NFIX: variants seen among roughly 807,000 people sequenced by gnomAD.
NFIX encodes the protein nuclear factor 1 X-type.
A neutral mutation model predicts 53.3 loss-of-function variants in NFIX; 2 were observed. The observed-to-expected ratio is 0.04, with a 90% CI of 0.02 to 0.12. NFIX has a LOEUF of 0.12. NFIX is among the 10% of genes least tolerant of loss of function. NFIX has a pLI of 1.00. For synonymous variants in NFIX, 244 were observed against 289.0 expected (o/e 0.84, Z 1.58); for missense variants, 310 against 674.5 (o/e 0.46, Z 5.99).
intron 2 of NFIX, among the ~76,000 whole-genome samples, chr19:13,039,129 A>G (rs2014423720): frequency 6.6e-6 from 1 of 152,070 alleles, no homozygotes; most frequent in Non-Finnish European, 1.5e-5. Context: ...GATTTCTCTC[A>G]CTTATTTATG....
At position 13,006,610 on chromosome 19, in the gene NFIX, G is replaced by A. The variant is rs1188846385; in HGVS notation, c.27+10746G>A. 6.6e-6 allele frequency among the ~76,000 whole-genome samples: 1 copy of A among 152,202 alleles called. No individual in the cohort carries two copies. Among genetic ancestry groups the A allele is most frequent in the African/African-American group, 2.4e-5 (1 of 41,452 alleles). ...CCTCAATTTAGCTCCCCCGGGGCGGGCTGGGTTTATTTTTACCCCAGCCTG... is the reference window on the plus strand; with the variant it reads ...CCTCAATTTAGCTCCCCCGGGGCGGACTGGGTTTATTTTTACCCCAGCCTG... On this transcript the variant is annotated intron_variant, in intron 1 of 10. Transcript: ENST00000592199. This position sits in a 1 kb window ranked among gnomAD's most constrained non-coding sequence, Gnocchi z 5.6.
rs755985332 is a variant in NFIX at position 13,078,762 on chromosome 19, G to A, written c.1078+27G>A. ...TGAGAAATGGGGGGCCCCGGAGGGGGGCAGTTGGGGAGGTGGCTGAGTATC... is the reference window on the plus strand; with the variant it reads ...TGAGAAATGGGGGGCCCCGGAGGGGAGCAGTTGGGGAGGTGGCTGAGTATC... On this transcript the variant is annotated intron_variant, in intron 7 of 10. Transcript: ENST00000592199. This position sits in a 1 kb window ranked among gnomAD's most constrained non-coding sequence, Gnocchi z 4.7. 7 of 1,579,048 alleles carry A rather than the reference G, an allele frequency of 4.4e-6. No individual in the cohort carries two copies. In the South Asian group the frequency reaches 5.7e-5, roughly 13 times the overall value.
rs780128002 is a variant in NFIX at position 13,001,700 on chromosome 19, T to C, written c.27+5836T>C. ...TCCAGTGTCATCACCCTCATATCAC[T>C]GTGCCTCCTGAGCTTGTCCCCGTGA... On this transcript the variant is annotated intron_variant, in intron 1 of 10. Coordinates refer to ENST00000592199, the MANE Select transcript of NFIX (RefSeq NM_001365902.3). The surrounding 1 kb of genome is among the most constrained non-coding windows in gnomAD (Gnocchi z 6.5). 1.1e-4 allele frequency among the ~76,000 whole-genome samples: 16 copies of C among 152,174 alleles called. No homozygotes were observed. Among genetic ancestry groups the C allele is most frequent in the Admixed American group, 7.2e-4 (11 of 15,288 alleles).
In NFIX at chr19:13,025,833, G is replaced by C. The variant is rs150303322; in HGVS notation, c.559+281G>C. On this transcript the variant is annotated intron_variant, in intron 2 of 10. Transcript: ENST00000592199. This position sits in a 1 kb window ranked among gnomAD's most constrained non-coding sequence, Gnocchi z 7.5. ...CTTATCTGATCAGAAAGATGCTGCA[G>C]GTCTTAGGATTGGGGACATGATGCC... 5.9e-5 allele frequency among the ~76,000 whole-genome samples: 9 copies of C among 152,304 alleles called. No homozygotes were observed. The highest frequency in any genetic ancestry group is 2.2e-4 in the African/African-American group (9 of 41,560).
chr19:13,059,192 T>C (rs1028566298), intron 2 of NFIX, among the ~76,000 whole-genome samples: 1 of 152,190 alleles, frequency 6.6e-6, no homozygotes, highest in African/African-American at 2.4e-5. Flanking sequence ...GGCAGGACAT[T>C]GTGTATCTGA....
intron 2 of NFIX, among the ~76,000 whole-genome samples, chr19:13,065,094 CCTA>C (rs1465313393): frequency 6.6e-6 from 1 of 152,074 alleles, no homozygotes; most frequent in Non-Finnish European, 1.5e-5. Context: ...CCTTCCTCCT[CCTA>C]CCCTCCATTT....
chr19:13,010,135 C>T (rs1345309643), intron 1 of NFIX, among the ~76,000 whole-genome samples: 1 of 152,236 alleles, frequency 6.6e-6, no homozygotes, highest in African/African-American at 2.4e-5. Context: ...GGGCTTCCCC[C>T]ATTGGAGTTG....
intron 1 of NFIX, among the ~76,000 whole-genome samples, chr19:13,016,312 A>G (rs539571893): frequency 6.6e-6 from 1 of 152,258 alleles, no homozygotes; most frequent in Admixed American, 6.5e-5. Flanking sequence ...GCTGATATAA[A>G]AGCTAGCAGG....
At position 13,040,968 on chromosome 19, in the gene NFIX, C is replaced by T. The variant is rs986765388; in HGVS notation, c.559+15416C>T. 6.6e-6 allele frequency among the ~76,000 whole-genome samples: 1 copy of T among 152,214 alleles called. No individual in the cohort carries two copies. The highest frequency in any genetic ancestry group is 2.4e-5 in the African/African-American group (1 of 41,458). The stretch of plus-strand genomic sequence containing the variant: ...GTCCTAAACCTCTTTCCTCTGGCCC[C>T]ATGTGCCAGTTCTTGACTTTCTCTG... On this transcript the variant is annotated intron_variant, in intron 2 of 10. Coordinates refer to ENST00000592199, the MANE Select transcript of NFIX (RefSeq NM_001365902.3). The surrounding 1 kb of genome is among the most constrained non-coding windows in gnomAD (Gnocchi z 4.2).
Position 13,014,975 on chromosome 19 carries a change from A to G in NFIX, c.28-10046A>G, listed in dbSNP as rs2012575817. Among the ~76,000 whole-genome samples the G allele has an allele frequency of 6.6e-6, 1 of 152,234 alleles. No homozygotes were observed. Among genetic ancestry groups the G allele is most frequent in the African/African-American group, 2.4e-5 (1 of 41,466 alleles). ...ATCCTGAAGTGCCTGAGGAAGAAAC[A>G]GCAATGAGAAAGCAATGGGAAAAAT... is the stretch of plus-strand genomic sequence containing the variant. On this transcript the variant is annotated intron_variant, in intron 1 of 10. Transcript: ENST00000592199. This position sits in a 1 kb window ranked among gnomAD's most constrained non-coding sequence, Gnocchi z 4.4.
intron 2 of NFIX, among the ~76,000 whole-genome samples, chr19:13,063,198 G>C (rs1402747734): frequency 6.6e-6 from 1 of 152,194 alleles, no homozygotes; most frequent in East Asian, 1.9e-4. Flanking sequence ...CCCCTGCCCT[G>C]GGCTAAAGTG....
chr19:13,047,346 C>T (rs2015054693), intron 2 of NFIX, among the ~76,000 whole-genome samples: 1 of 151,956 alleles, frequency 6.6e-6, no homozygotes, highest in Non-Finnish European at 1.5e-5. Flanking sequence ...TCACTAAAAA[C>T]ATTGGTCAGT....
chr19:13,038,639 GAC>G (rs2145254122), intron 2 of NFIX, among the ~76,000 whole-genome samples: 1 of 152,378 alleles, frequency 6.6e-6, no homozygotes, highest in East Asian at 1.9e-4. Flanking sequence ...AAGCATAGCA[GAC>G]ACTGTTTTTC....
At chr19:13,034,587 C>G (rs2014050003) in intron 2 of NFIX, among the ~76,000 whole-genome samples, 3 of 152,196 alleles carry the variant, frequency 2.0e-5, no homozygotes. Flanking sequence ...GATCCTTGCA[C>G]TGTCACACCC....
At chr19:13,008,724 G>A (rs1353436349) in intron 1 of NFIX, among the ~76,000 whole-genome samples, 1 of 152,142 alleles carries the variant, frequency 6.6e-6, no homozygotes, top group African/African-American at 2.4e-5. Flanking sequence ...AGTCCTCCAT[G>A]CTCTGAGCCC....
intron 2 of NFIX, among the ~76,000 whole-genome samples, chr19:13,063,155 C>T (rs921739981): frequency 1.3e-5 from 2 of 152,194 alleles, no homozygotes; most frequent in Admixed American, 6.5e-5. Context: ...TTTTGATTTC[C>T]TCAGGCAAAT....
At chr19:13,024,473 T>C in intron 1 of NFIX, 1 of 1,473,178 alleles carries the variant, frequency 6.8e-7, no homozygotes, top group Admixed American at 2.3e-5. Context: ...ACTCGCTTGC[T>C]CGTGGATGTC....
chr19:13,043,936 G>A lies in NFIX; in HGVS notation c.559+18384G>A, dbSNP rs990361858. Among the ~76,000 whole-genome samples, 4 of 152,098 alleles carry A rather than the reference G, an allele frequency of 2.6e-5. No individual in the cohort carries two copies. Among genetic ancestry groups the A allele is most frequent in the South Asian group, 2.1e-4 (1 of 4,828 alleles). ...GCCCAGGAGTTCGAGCCTGGGCCACGTAGCAAGACCCCCATCTCTATAAAA... is the reference window on the plus strand; with the variant it reads ...GCCCAGGAGTTCGAGCCTGGGCCACATAGCAAGACCCCCATCTCTATAAAA... On this transcript the variant is annotated intron_variant, in intron 2 of 10. Transcript: ENST00000592199. The surrounding 1 kb of genome is among the most constrained non-coding windows in gnomAD (Gnocchi z 4.0).
chr19:13,085,709 T>G (rs1011167341), intron 8 of NFIX, among the ~76,000 whole-genome samples: 4 of 151,990 alleles, frequency 2.6e-5, no homozygotes, highest in African/African-American at 9.7e-5. Context: ...CAGGAATGGG[T>G]CAAAGGAACC....
Sources: allele counts gnomAD v4.1 joint callset (sites outside exome capture counted in the v4.1 genomes callset), GRCh38; gene constraint gnomAD v4.1.1; non-coding constraint Gnocchi (gnomAD v3.1); transcripts MANE v1.5; gene names NCBI Gene and HGNC (gene_info 2026-07-23, HGNC 2026-07-21).